The following PTPRK variants were observed in gnomAD, a reference collection of about 807,000 sequenced individuals.
PTPRK encodes protein tyrosine phosphatase receptor type K, also known as receptor-type tyrosine-protein phosphatase kappa.
PTPRK carries 75 observed loss-of-function variants against 178.0 expected under a neutral mutation model. The ratio of observed to expected loss-of-function variants is 0.42; its 90% CI spans 0.35 to 0.51. The LOEUF (loss-of-function observed/expected upper bound fraction) is 0.51, where lower values mean the gene tolerates loss of function less well. Among genes scored for constraint, PTPRK ranks in the 20% least tolerant of loss-of-function variants. The pLI is 0.02. For missense variants in PTPRK, 1,441 were observed against 1,797.8 expected (o/e 0.80, Z 3.59); for synonymous variants, 637 against 620.6 (o/e 1.03, Z -0.39).
intron 7 of PTPRK, among the ~76,000 whole-genome samples, chr6:128,164,682 A>T (rs1799144698): frequency 6.6e-6 from 1 of 151,284 alleles, no homozygotes; most frequent in Non-Finnish European, 1.5e-5. Flanking sequence ...GCATATAACC[A>T]ATACTGCTTT....
intron 13 of PTPRK, among the ~76,000 whole-genome samples, chr6:128,031,690 T>A (rs1372607634): frequency 6.6e-6 from 1 of 152,218 alleles, no homozygotes; most frequent in Non-Finnish European, 1.5e-5. Flanking sequence ...TACTTCCAAA[T>A]GTTTCTACAA....
chr6:127,991,696 A>G (rs1023142900), intron 19 of PTPRK, among the ~76,000 whole-genome samples: 3 of 151,058 alleles, frequency 2.0e-5, no homozygotes, highest in African/African-American at 7.3e-5. Context: ...ATCTTCAAAT[A>G]TGTGTAAAAA....
At chr6:128,113,247 T>G (rs111321910) in intron 7 of PTPRK, among the ~76,000 whole-genome samples, 3,917 of 152,046 alleles carry the variant, frequency 0.026, 95 homozygotes, top group Middle Eastern at 0.092. Context: ...TGTATACAGA[T>G]AGAATATACA....
intron 7 of PTPRK, among the ~76,000 whole-genome samples, chr6:128,119,239 C>A (rs946414152): frequency 6.6e-6 from 1 of 151,184 alleles, no homozygotes; most frequent in Non-Finnish European, 1.5e-5. Flanking sequence ...AAACAAATAA[C>A]AAACAACACA....
chr6:127,974,731 T>C (rs1340245628), intron 27 of PTPRK, among the ~76,000 whole-genome samples: 1 of 152,214 alleles, frequency 6.6e-6, no homozygotes, highest in Non-Finnish European at 1.5e-5. Context: ...GTAAAATGCA[T>C]CACTTTTATA....
At chr6:128,493,585 G>A (rs1226868065) in intron 1 of PTPRK, among the ~76,000 whole-genome samples, 10 of 91,782 alleles carry the variant, frequency 1.1e-4, no homozygotes, top group African/African-American at 3.4e-4. Flanking sequence ...AGTACCTCCC[G>A]CCCCCTACAC....
At chr6:128,468,902 T>C (rs930091841) in intron 1 of PTPRK, among the ~76,000 whole-genome samples, 1 of 126,568 alleles carries the variant, frequency 7.9e-6, no homozygotes, top group Non-Finnish European at 1.6e-5. Context: ...AAATTCAATA[T>C]ACACATTAAA....
intron 3 of PTPRK, among the ~76,000 whole-genome samples, chr6:128,275,201 C>G (rs1820526124): frequency 6.6e-6 from 1 of 152,030 alleles, no homozygotes; most frequent in East Asian, 1.9e-4. Context: ...CTCACTTGAC[C>G]AAGCTTACAG....
intron 1 of PTPRK, among the ~76,000 whole-genome samples, chr6:128,421,970 A>C (rs1843533088): frequency 6.6e-6 from 1 of 152,232 alleles, no homozygotes; most frequent in South Asian, 2.1e-4. Flanking sequence ...TAAACAACAT[A>C]CAAAGGCTCA....
Position 128,074,956 on chromosome 6 carries a change from T to C in PTPRK, c.1883+3857A>G, listed in dbSNP as rs551354802. 3.3e-5 allele frequency among the ~76,000 whole-genome samples: 5 copies of C among 152,192 alleles called. No individual in the cohort carries two copies. The South Asian group carries it at 1.0e-3, about 32-fold the overall frequency. On this transcript the variant is annotated intron_variant, in intron 11 of 29. Transcript: ENST00000368226. ...ATAGAGAGAGCATTACTTTTTTGAT[T>C]TGGGGTAGCAATACTGAAAATATTT...
At chr6:128,035,347 C>G (rs1776035824) in intron 13 of PTPRK, among the ~76,000 whole-genome samples, 1 of 149,690 alleles carries the variant, frequency 6.7e-6, no homozygotes. Flanking sequence ...GCCTGGGTGA[C>G]AAGAGTGAAA....
At chr6:128,302,161 G>A (rs1825720145) in intron 3 of PTPRK, among the ~76,000 whole-genome samples, 1 of 151,890 alleles carries the variant, frequency 6.6e-6, no homozygotes, top group African/African-American at 2.4e-5. Flanking sequence ...GGCCGGGGTG[G>A]GCGGATCACG....
At chr6:128,041,566 T>C (rs986853703) in intron 13 of PTPRK, among the ~76,000 whole-genome samples, 1 of 152,020 alleles carries the variant, frequency 6.6e-6, no homozygotes, top group African/African-American at 2.4e-5. Context: ...ACCATAATAC[T>C]GCAATAAAAC....
intron 3 of PTPRK, among the ~76,000 whole-genome samples, chr6:128,296,615 A>G (rs538286354): frequency 6.6e-6 from 1 of 152,188 alleles, no homozygotes. Flanking sequence ...TTTCATATTC[A>G]GCCAAACTAA....
At chr6:128,074,429 T>C (rs868605398) in intron 11 of PTPRK, among the ~76,000 whole-genome samples, 5 of 152,220 alleles carry the variant, frequency 3.3e-5, no homozygotes, top group Middle Eastern at 3.4e-3. Context: ...CTATGCATTA[T>C]AATTTGTAAT....
chr6:128,361,662 T>G (rs1834768225), intron 2 of PTPRK, among the ~76,000 whole-genome samples: 1 of 152,122 alleles, frequency 6.6e-6, no homozygotes, highest in African/African-American at 2.4e-5. Flanking sequence ...GGTGCTGTAC[T>G]GAATACTGTA....
At chr6:128,143,327 C>T (rs1796043047) in intron 7 of PTPRK, among the ~76,000 whole-genome samples, 1 of 152,108 alleles carries the variant, frequency 6.6e-6, no homozygotes, top group South Asian at 2.1e-4. Context: ...ACTATACATT[C>T]ACTTAAGAAA....
chr6:128,331,686 C>G (rs1426712931), intron 2 of PTPRK, among the ~76,000 whole-genome samples: 1 of 152,086 alleles, frequency 6.6e-6, no homozygotes, highest in Non-Finnish European at 1.5e-5. Flanking sequence ...CTACATCATA[C>G]AGTTTGTTTC....
At chr6:128,027,784 G>A (rs1774577276) in intron 13 of PTPRK, 1 of 152,226 alleles carries the variant, frequency 6.6e-6, no homozygotes, top group South Asian at 2.1e-4. Context: ...GTAGAGACGG[G>A]GTTTCACTCT....
Sources: allele counts gnomAD v4.1 joint callset (sites outside exome capture counted in the v4.1 genomes callset), GRCh38; gene constraint gnomAD v4.1.1; transcripts MANE v1.5; gene names NCBI Gene and HGNC (gene_info 2026-07-23, HGNC 2026-07-21).